Variants in COBLL1 observed in about 807,000 individuals in gnomAD.
COBLL1 encodes cordon-bleu protein-like 1.
Under a neutral mutation model 94.8 loss-of-function variants are expected in COBLL1, and 50 were observed. The ratio of observed to expected loss-of-function variants is 0.53; its 90% CI spans 0.42 to 0.67. COBLL1 has a LOEUF of 0.67. Ranked by LOEUF, COBLL1 falls within the 30% of genes least tolerant of loss-of-function variation. The pLI is 0.00. For synonymous variants in COBLL1, 448 were observed against 473.8 expected, an observed-to-expected ratio of 0.95 and a Z score of 0.71; for missense variants, 1,362 against 1,348.7, an observed-to-expected ratio of 1.01 and a Z score of -0.15.
At position 164,680,191 on chromosome 2, in the gene COBLL1, G is replaced by C. The variant is rs1210962210; in HGVS notation, c.*5755C>G. ...AGAGTGCAATCGGTCACTGTAACAGGAGTGTCTCAATAATTTATTTATTGA... is the reference window on the plus strand; with the variant it reads ...AGAGTGCAATCGGTCACTGTAACAGCAGTGTCTCAATAATTTATTTATTGA... On this transcript the variant is annotated 3_prime_UTR_variant, in exon 14 of 14. Transcript: ENST00000652658. 6.6e-6 allele frequency: 1 copy of C among 151,990 alleles called. No homozygotes were observed. The highest frequency in any genetic ancestry group is 1.5e-5 in the Non-Finnish European group (1 of 67,984). The allele number at this position is 151,990 out of a possible 1,614,324, so 9.4% of individuals were successfully genotyped here.
chr2:164,751,315 C>T (rs548202442), intron 2 of COBLL1, among the ~76,000 whole-genome samples: 39 of 152,170 alleles, frequency 2.6e-4, no homozygotes, highest in Non-Finnish European at 4.6e-4. Context: ...AGGGCTGGGA[C>T]GTGGCCTGTC....
intron 2 of COBLL1, among the ~76,000 whole-genome samples, chr2:164,818,171 C>T (rs776005871): frequency 8.7e-5 from 13 of 148,872 alleles, no homozygotes; most frequent in Non-Finnish European, 1.3e-4. Flanking sequence ...TGTATACATG[C>T]ACGTATACAC....
At chr2:164,786,745 C>T (rs185575358) in intron 2 of COBLL1, among the ~76,000 whole-genome samples, 4 of 152,284 alleles carry the variant, frequency 2.6e-5, no homozygotes, top group Admixed American at 6.5e-5. Context: ...TCTTTGTCAC[C>T]AACCCTTACC....
At chr2:164,791,901 G>A (rs957053665) in intron 2 of COBLL1, among the ~76,000 whole-genome samples, 5 of 151,050 alleles carry the variant, frequency 3.3e-5, no homozygotes, top group Non-Finnish European at 4.4e-5. Context: ...AAAAGCAGCC[G>A]GCTTTTCCTG....
rs531485958 is a variant in COBLL1, at chr2:164,803,107, T to C, written c.41+38049A>G. Reference sequence around the variant, plus strand: ...CTTAGTGATCTTCTGGAATGTAAACTTGGTCAAAGGATAAGAACCAAAATA... The same window carrying C: ...CTTAGTGATCTTCTGGAATGTAAACCTGGTCAAAGGATAAGAACCAAAATA... On this transcript the variant is annotated intron_variant, in intron 2 of 13. Transcript: ENST00000652658. Among the ~76,000 whole-genome samples the C allele has an allele frequency of 3.3e-3, 506 of 152,298 alleles. 1 individual carries two copies. Among genetic ancestry groups the C allele is most frequent in the Admixed American group, 5.7e-3 (87 of 15,302 alleles).
At chr2:164,802,819 T>C (rs1243312074) in intron 2 of COBLL1, among the ~76,000 whole-genome samples, 1 of 151,866 alleles carries the variant, frequency 6.6e-6, no homozygotes, top group African/African-American at 2.4e-5. Context: ...CATTTTAAAC[T>C]AAAACTCATG....
At chr2:164,806,289 G>A (rs1332411049) in intron 2 of COBLL1, among the ~76,000 whole-genome samples, 3 of 152,178 alleles carry the variant, frequency 2.0e-5, no homozygotes, top group Non-Finnish European at 2.9e-5. Flanking sequence ...GTTCTGCCAC[G>A]TACAATCTAT....
chr2:164,672,825 T>C lies in COBLL1; in HGVS notation n.127-6924A>G, dbSNP rs147187311. 1.3e-3 allele frequency among the ~76,000 whole-genome samples: 201 copies of C among 152,164 alleles called. 1 individual carries two copies. The Middle Eastern group carries it at 0.034, about 26-fold the overall frequency. ...GAGACAGGGATATTTCAGAACACCT[T>C]AGTATTACAGATAAAAGACTTGAGG... On this transcript the variant is annotated intron_variant and non_coding_transcript_variant, in intron 1 of 2. Coordinates refer to the COBLL1 transcript ENST00000495084.
Position 164,722,144 on chromosome 2 carries a change from G to A in COBLL1, c.927C>T (p.Asp309=), listed in dbSNP as rs762301847. 96 of 1,613,966 alleles carry A rather than the reference G, an allele frequency of 5.9e-5. No homozygotes were observed. The highest frequency in any genetic ancestry group is 5.9e-6 in the Non-Finnish European group (7 of 1,179,974). Residue 309 remains aspartate (D), a synonymous_variant, in exon 7 of 14, where the codon GAC becomes GAT. Transcript: ENST00000652658. ...CAGGCCTCTCCTGGATGTGTGCAAG[G>A]TCTTGGGGGACACTCTGAGATGCTG... ...PMPASQSVPQ[D]LAHIQERPAS... is the part of the protein sequence containing the mutation.
intron 2 of COBLL1, among the ~76,000 whole-genome samples, chr2:164,744,233 G>A (rs1384798503): frequency 6.6e-6 from 1 of 152,074 alleles, no homozygotes; most frequent in African/African-American, 2.4e-5. Context: ...TAATGTTTCA[G>A]GATAGAGATC....
chr2:164,758,382 C>A (rs985181522), intron 2 of COBLL1, among the ~76,000 whole-genome samples: 3 of 151,852 alleles, frequency 2.0e-5, no homozygotes, highest in East Asian at 1.9e-4. Context: ...GAATAGAACC[C>A]TAAAATAATT....
chr2:164,738,584 T>C (rs1236210444), intron 3 of COBLL1, among the ~76,000 whole-genome samples: 2 of 152,224 alleles, frequency 1.3e-5, no homozygotes, highest in Non-Finnish European at 2.9e-5. Context: ...TTAATGTTCA[T>C]TTCTAGAAAG....
At chr2:164,787,495 A>G (rs1682923243) in intron 2 of COBLL1, among the ~76,000 whole-genome samples, 1 of 152,212 alleles carries the variant, frequency 6.6e-6, no homozygotes, top group Non-Finnish European at 1.5e-5. Context: ...CAATGTAAAC[A>G]TATATCAAAA....
rs747218737 is a variant in COBLL1 at position 164,694,464 on chromosome 2, G to A, written c.2928C>T (p.Ala976=). The change falls in exon 12 of 14, where the codon GCC becomes GCT. Residue 976 remains alanine (A), a synonymous_variant. Transcript: ENST00000652658. ...QNLKTLKTFG[A]PRPYSSSGPS... The stretch of plus-strand genomic sequence containing the variant: ...GACCAGAACTTGAGTATGGTCGTGG[G>A]GCACCAAAAGTTTTCAAAGTCTTCA... The A allele has an allele frequency of 8.7e-6, 14 of 1,613,912 alleles. No homozygotes were observed. The East Asian group carries it at 2.9e-4, about 33-fold the overall frequency.
intron 2 of COBLL1, among the ~76,000 whole-genome samples, chr2:164,661,248 G>A (rs562092268): frequency 6.6e-6 from 1 of 152,052 alleles, no homozygotes; most frequent in African/African-American, 2.4e-5. Context: ...AATAAATACT[G>A]TGAGTTTAAA....
chr2:164,710,312 C>A (rs558886593), intron 7 of COBLL1, among the ~76,000 whole-genome samples: 1 of 151,906 alleles, frequency 6.6e-6, no homozygotes, highest in African/African-American at 2.4e-5. Flanking sequence ...TAGGAGACTT[C>A]GATATTTCTA....
At chr2:164,721,942 T>C in intron 7 of COBLL1, 133 bp downstream of exon 7, 1 of 594,282 alleles carries the variant, frequency 1.7e-6, no homozygotes, top group Non-Finnish European at 2.9e-6. Flanking sequence ...TACATATTAG[T>C]AACTGTTACT....
At chr2:164,835,704 G>A (rs1356016728) in intron 2 of COBLL1, among the ~76,000 whole-genome samples, 1 of 152,058 alleles carries the variant, frequency 6.6e-6, no homozygotes, top group African/African-American at 2.4e-5. Context: ...GCAGGTAGAG[G>A]GCTGTTTTGA....
At chr2:164,823,503 G>A (rs1045482416) in intron 2 of COBLL1, among the ~76,000 whole-genome samples, 2 of 152,098 alleles carry the variant, frequency 1.3e-5, no homozygotes, top group African/African-American at 4.8e-5. Context: ...CTTCACCGCA[G>A]CAAAGATTAA....
Sources: allele counts gnomAD v4.1 joint callset (sites outside exome capture counted in the v4.1 genomes callset), GRCh38; gene constraint gnomAD v4.1.1; transcripts MANE v1.5; gene names NCBI Gene and HGNC (gene_info 2026-07-23, HGNC 2026-07-21).